Variants in PPP1R13B observed in about 807,000 individuals in gnomAD.
The protein encoded by PPP1R13B is apoptosis-stimulating of p53 protein 1.
Under a neutral mutation model 119.8 loss-of-function variants are expected in PPP1R13B, and 44 were observed. The ratio of observed to expected loss-of-function variants is 0.37; its 90% CI spans 0.29 to 0.47. PPP1R13B has a LOEUF of 0.47. Ranked by LOEUF, PPP1R13B falls within the 20% of genes least tolerant of loss-of-function variation. The pLI is 0.99. For synonymous variants in PPP1R13B, 542 were observed against 561.5 expected (o/e 0.97, Z 0.49); for missense variants, 1,227 against 1,413.5 (o/e 0.87, Z 2.12).
At chr14:103,826,710 CAAAAAAA>C (rs552679526) in intron 1 of PPP1R13B, among the ~76,000 whole-genome samples, 1 of 88,314 alleles carries the variant, frequency 1.1e-5, no homozygotes, top group Non-Finnish European at 2.4e-5. Flanking sequence ...CTGTCTCTAC[CAAAAAAA>C]AAAAAAAAAA....
chr14:103,741,170 C>T (rs548425726), intron 11 of PPP1R13B, among the ~76,000 whole-genome samples: 1 of 152,356 alleles, frequency 6.6e-6, no homozygotes, highest in Admixed American at 6.5e-5. Flanking sequence ...GCAGCCAATG[C>T]CCAGGAATGT....
rs920696705 is a variant in PPP1R13B, at chr14:103,734,282, C to T, written c.*872G>A. ...CCATCCTTCAGGCACCAAACAGCCC[C>T]GTCTACCTGGCCCTGGTCTGCCCTC... On this transcript the variant is annotated 3_prime_UTR_variant, in exon 17 of 17. Coordinates refer to ENST00000202556, the MANE Select transcript of PPP1R13B (RefSeq NM_015316.3). 2.5e-5 allele frequency: 8 copies of T among 325,702 alleles called. No individual in the cohort carries two copies. Among genetic ancestry groups the T allele is most frequent in the South Asian group, 5.0e-5 (2 of 39,964 alleles). The allele number at this position is 325,702 out of a possible 1,614,324, so 20.2% of individuals were successfully genotyped here.
intron 1 of PPP1R13B, among the ~76,000 whole-genome samples, chr14:103,823,750 T>C (rs774872768): frequency 2.0e-5 from 3 of 152,198 alleles, no homozygotes; most frequent in Non-Finnish European, 2.9e-5. Flanking sequence ...TCACTTTCCA[T>C]GTATAACAAC....
intron 15 of PPP1R13B, 145 bp from the exon 16 acceptor site, chr14:103,736,347 T>G: frequency 6.1e-6 from 5 of 815,228 alleles, no homozygotes; most frequent in Non-Finnish European, 9.7e-6. Context: ...TGAGACACTA[T>G]TGAAGACTAG....
At chr14:103,754,039 G>A (rs779088087) in intron 6 of PPP1R13B, 31 bp downstream of exon 6, 1 of 1,605,286 alleles carries the variant, frequency 6.2e-7, no homozygotes, top group Admixed American at 1.7e-5. Flanking sequence ...CCTGGTGAGA[G>A]TGGTGTCGAG....
At chr14:103,814,083 C>A (rs2086221306) in intron 1 of PPP1R13B, among the ~76,000 whole-genome samples, 1 of 152,182 alleles carries the variant, frequency 6.6e-6, no homozygotes. Context: ...GGCGTGGTGG[C>A]TCACACCTGT....
chr14:103,784,878 T>C lies in PPP1R13B; in HGVS notation c.194A>G (p.His65Arg), dbSNP rs1315638041. 5 of 1,608,248 alleles carry C rather than the reference T, an allele frequency of 3.1e-6. No homozygotes were observed. Among genetic ancestry groups the C allele is most frequent in the African/African-American group, 1.3e-5 (1 of 74,864 alleles). ...PIPFDHMMYE[H>R]LQKWGPRREE... ...CCTCCGTGGACCCCATTTCTGAAGA[T>C]GTTCGTACATCATATGATCAAAGGG... The change falls in exon 3 of 17, where the codon CAT (histidine) becomes CGT (arginine). Residue 65 changes from histidine to arginine, a missense_variant. Physicochemically the swap from His to Arg is conservative, Grantham distance 29 (BLOSUM62 0). Coordinates refer to ENST00000202556, the MANE Select transcript of PPP1R13B (RefSeq NM_015316.3).
rs779892285 is a variant in PPP1R13B, at chr14:103,737,844, C to T, written c.2881G>A (p.Ala961Thr). The T allele has an allele frequency of 6.2e-7, 1 of 1,613,780 alleles. No homozygotes were observed. Among genetic ancestry groups the T allele is most frequent in the Non-Finnish European group, 8.5e-7 (1 of 1,179,906 alleles). Residue 961 changes from alanine to threonine, a missense_variant, in exon 15 of 17, where the codon GCT becomes ACT. Physicochemically the swap from Ala to Thr is moderately conservative, Grantham distance 58. Coordinates refer to ENST00000202556, the MANE Select transcript of PPP1R13B (RefSeq NM_015316.3). ...DSDGWTPLHCAASCNSVHLCK... is the reference protein window; with the variant it reads ...DSDGWTPLHCTASCNSVHLCK... ...AGGTGAACGCTGTTACAAGAGGCAG[C>T]GCAGTGCAGCGGCGTCCTGGAATAG...
At chr14:103,845,829 G>A (rs978613718) in intron 1 of PPP1R13B, among the ~76,000 whole-genome samples, 9 of 152,236 alleles carry the variant, frequency 5.9e-5, no homozygotes, top group African/African-American at 2.2e-4. Context: ...TGAGAATTAG[G>A]GAGGGAAGTT....
Position 103,739,831 on chromosome 14 carries a change from G to T in PPP1R13B, c.2585C>A (p.Thr862Asn). 6.2e-7 allele frequency: 1 copy of T among 1,605,906 alleles called. No individual in the cohort carries two copies. Among genetic ancestry groups the T allele is most frequent in the Non-Finnish European group, 8.5e-7 (1 of 1,174,798 alleles). ...TCTAGCAATGACACCCACCGTGGAG[G>T]TGGCAGGAGGGTGGCTGGCAGGGGG... ...PLPPASHPPA[T>N]STNKRTNLKK... The change falls in exon 12 of 17, where the codon ACC (threonine) becomes AAC (asparagine). Residue 862 changes from threonine (T) to asparagine (N), a missense_variant. Coordinates refer to ENST00000202556, the MANE Select transcript of PPP1R13B (RefSeq NM_015316.3).
intron 1 of PPP1R13B, among the ~76,000 whole-genome samples, chr14:103,806,849 G>A (rs981401894): frequency 2.0e-5 from 3 of 152,022 alleles, no homozygotes; most frequent in African/African-American, 4.8e-5. Flanking sequence ...CTGATAACTC[G>A]TCTCCCTGGC....
At chr14:103,822,574 G>A (rs562269224) in intron 1 of PPP1R13B, among the ~76,000 whole-genome samples, 1 of 152,258 alleles carries the variant, frequency 6.6e-6, no homozygotes, top group East Asian at 1.9e-4. Context: ...AGCACTTTGG[G>A]AGTCCAAGGC....
chr14:103,762,034 C>G (rs2084819272), intron 4 of PPP1R13B, among the ~76,000 whole-genome samples: 1 of 152,158 alleles, frequency 6.6e-6, no homozygotes. Context: ...CATGTGCTGG[C>G]TCTACCTGCT....
chr14:103,846,713 T>C, intron 1 of PPP1R13B: 1 of 456,040 alleles, frequency 2.2e-6, no homozygotes, highest in Non-Finnish European at 4.4e-6. Flanking sequence ...ACACCACCAC[T>C]ACAAACGAAC....
At chr14:103,757,808 T>G in intron 4 of PPP1R13B, 57 bp from the exon 5 acceptor site, 32 of 1,465,418 alleles carry the variant, frequency 2.2e-5, no homozygotes, top group Non-Finnish European at 2.9e-5. Flanking sequence ...TGTCTGTCTC[T>G]AGTGTCAAAA....
At chr14:103,811,680 C>T (rs997304888) in intron 1 of PPP1R13B, among the ~76,000 whole-genome samples, 5 of 151,710 alleles carry the variant, frequency 3.3e-5, no homozygotes, top group African/African-American at 7.3e-5. Flanking sequence ...AGAGTGAGAC[C>T]GTCACTAAAT....
In PPP1R13B at chr14:103,785,114, T is replaced by C. The variant is rs115307265; in HGVS notation, c.158-200A>G. ...AATGGGAAATAATTTAGGCAACAGA[T>C]AAACACAAAAAGTATCCACGAAAGC... On this transcript the variant is annotated intron_variant, in intron 2 of 16. Transcript: ENST00000202556. Among the ~76,000 whole-genome samples the C allele has an allele frequency of 8.3e-3, 1,261 of 152,318 alleles. 15 individuals carry two copies. The highest frequency in any genetic ancestry group is 0.029 in the African/African-American group (1,203 of 41,588).
chr14:103,793,198 T>G (rs1217674559), intron 2 of PPP1R13B, among the ~76,000 whole-genome samples: 6 of 141,000 alleles, frequency 4.3e-5, no homozygotes, highest in East Asian at 2.1e-4. Context: ...GGAAGAGAAG[T>G]GAGGAAAGGA....
chr14:103,768,118 CTTT>C (rs556309580), intron 4 of PPP1R13B, among the ~76,000 whole-genome samples: 3 of 140,968 alleles, frequency 2.1e-5, no homozygotes, highest in Non-Finnish European at 4.6e-5. Flanking sequence ...TGAGTGTCTT[CTTT>C]TTTTTTTTTT....
Sources: allele counts gnomAD v4.1 joint callset (sites outside exome capture counted in the v4.1 genomes callset), GRCh38; gene constraint gnomAD v4.1.1; transcripts MANE v1.5; gene names NCBI Gene and HGNC (gene_info 2026-07-23, HGNC 2026-07-21).